FYN: variants seen among roughly 807,000 people sequenced by gnomAD.
The protein encoded by FYN is tyrosine-protein kinase Fyn.
A neutral mutation model predicts 70.2 loss-of-function variants in FYN; 10 were observed. The observed-to-expected ratio is 0.14, with a 90% CI of 0.09 to 0.24. The LOEUF (loss-of-function observed/expected upper bound fraction) is 0.24. Among genes scored for constraint, FYN ranks in the 10% least tolerant of loss-of-function variants. The pLI is 1.00. For missense variants in FYN, 319 were observed against 673.1 expected (o/e 0.47, Z 5.82); for synonymous variants, 236 against 248.6 (o/e 0.95, Z 0.48).
intron 3 of FYN, among the ~76,000 whole-genome samples, chr6:111,745,221 C>G (rs1309216434): frequency 2.6e-5 from 4 of 152,138 alleles, no homozygotes; most frequent in African/African-American, 9.7e-5. Flanking sequence ...AATACAGACG[C>G]GAATGCCATC....
intron 12 of FYN, among the ~76,000 whole-genome samples, chr6:111,681,380 C>T (rs544212278): frequency 1.2e-4 from 18 of 152,238 alleles, no homozygotes; most frequent in South Asian, 2.1e-4. Flanking sequence ...AGGCTAGTCT[C>T]GAATTCCTGG....
Position 111,661,971 on chromosome 6 carries a change from G to C in FYN, c.1406-24C>G, listed in dbSNP as rs1324085332. 1 of 1,574,880 alleles carries C rather than the reference G, an allele frequency of 6.3e-7. No individual in the cohort carries two copies. Among genetic ancestry groups the C allele is most frequent in the Non-Finnish European group, 8.6e-7 (1 of 1,158,078 alleles). Reference sequence around the variant, plus strand: ...GCCTGCAAAGACAAGCGCAGTGAGAGTGGGCACCCCGGGGATCCAGGCCCT... The same window carrying C: ...GCCTGCAAAGACAAGCGCAGTGAGACTGGGCACCCCGGGGATCCAGGCCCT... On this transcript the variant is annotated intron_variant, in intron 13 of 13. Coordinates refer to ENST00000354650, the MANE Select transcript of FYN (RefSeq NM_002037.5). This position sits in a 1 kb window ranked among gnomAD's most constrained non-coding sequence, Gnocchi z 4.0.
chr6:111,768,949 T>C (rs548079270), intron 3 of FYN, among the ~76,000 whole-genome samples: 1 of 152,178 alleles, frequency 6.6e-6, no homozygotes, highest in Non-Finnish European at 1.5e-5. Flanking sequence ...ATAAAAGGAT[T>C]GTGATTTGGG....
chr6:111,716,120 A>G (rs943871374), intron 4 of FYN, among the ~76,000 whole-genome samples: 1 of 152,264 alleles, frequency 6.6e-6, no homozygotes, highest in African/African-American at 2.4e-5. Context: ...TTGTCTGGTC[A>G]GCTGTGTATG....
Position 111,719,865 on chromosome 6 carries a change from C to A in FYN, c.187G>T (p.Val63Phe). The A allele has an allele frequency of 2.5e-6, 4 of 1,614,102 alleles. No individual in the cohort carries two copies. The highest frequency in any genetic ancestry group is 2.5e-6 in the Non-Finnish European group (3 of 1,179,994). The change falls in exon 4 of 14, where the codon GTC becomes TTC. Residue 63 changes from valine to phenylalanine, a missense_variant. Coordinates refer to ENST00000354650, the MANE Select transcript of FYN (RefSeq NM_002037.5). ...GACGAAGAGTTCACACCTCCAAAGA[C>A]GGTGAGTCCTTGGCCCCCGGCTGCG... ...FHAAGGQGLT[V>F]FGGVNSSSHT...
chr6:111,854,476 T>C (rs1035580526), intron 1 of FYN, among the ~76,000 whole-genome samples: 1 of 152,218 alleles, frequency 6.6e-6, no homozygotes, highest in Non-Finnish European at 1.5e-5. Context: ...ACCATTGCAC[T>C]GTGACCTGTG....
chr6:111,773,276 A>G (rs1240052492), intron 3 of FYN, among the ~76,000 whole-genome samples: 1 of 138,530 alleles, frequency 7.2e-6, no homozygotes, highest in African/African-American at 2.7e-5. Flanking sequence ...AAAAGTTGGG[A>G]AAGAAACTGG....
At chr6:111,712,440 C>T (rs1173632878) in intron 5 of FYN, among the ~76,000 whole-genome samples, 2 of 152,180 alleles carry the variant, frequency 1.3e-5, no homozygotes, top group African/African-American at 4.8e-5. Flanking sequence ...AGTCAACTCT[C>T]CAAAGCTTCC....
At chr6:111,770,242 T>C (rs536620425) in intron 3 of FYN, among the ~76,000 whole-genome samples, 10 of 152,354 alleles carry the variant, frequency 6.6e-5, no homozygotes, top group African/African-American at 2.2e-4. Context: ...GACTGTATGG[T>C]AAATGATAAT....
intron 3 of FYN, among the ~76,000 whole-genome samples, chr6:111,770,570 C>G (rs1384951226): frequency 6.6e-6 from 1 of 152,142 alleles, no homozygotes; most frequent in Non-Finnish European, 1.5e-5. Context: ...GAGACCCAAG[C>G]TAATCAGGTC....
intron 3 of FYN, among the ~76,000 whole-genome samples, chr6:111,757,363 G>T (rs1482237682): frequency 2.6e-5 from 4 of 152,148 alleles, no homozygotes; most frequent in Admixed American, 6.5e-5. Flanking sequence ...GAGAGGCAGG[G>T]AGTATAATTT....
chr6:111,673,166 T>C (rs1453392168), intron 13 of FYN, among the ~76,000 whole-genome samples: 4 of 152,068 alleles, frequency 2.6e-5, no homozygotes, highest in African/African-American at 9.7e-5. Context: ...GACCCGCACA[T>C]TTCCCCCCTT....
intron 12 of FYN, 130 bp from the exon 13 acceptor site, chr6:111,674,760 A>T: frequency 1.0e-6 from 1 of 974,460 alleles, no homozygotes; most frequent in Non-Finnish European, 1.5e-6. Context: ...AAAGGAGGTG[A>T]AGCAGGAATG....
Position 111,694,702 on chromosome 6 carries a change from T to C in FYN, c.1045A>G (p.Ser349Gly). The C allele has an allele frequency of 6.2e-7, 1 of 1,610,264 alleles. No homozygotes were observed. The change falls in exon 11 of 14, where the codon AGT becomes GGT. Residue 349 changes from serine (S) to glycine (G), a missense_variant and splice_region_variant. Around this residue, in one of 4 missense-constraint regions of FYN, gnomAD observed 15 missense variants for 16.0 expected, o/e 0.94. Coordinates refer to ENST00000354650, the MANE Select transcript of FYN (RefSeq NM_002037.5). This position sits in a 1 kb window ranked among gnomAD's most constrained non-coding sequence, Gnocchi z 5.0. ...YIVTEYMNKG[S>G]LLDFLKDGEG... ...CCATCTTTTAAGAAATCCAGTAAAC[T>C]TCCTATGAACAAAACATAAAATCAT...
chr6:111,773,597 A>G (rs1803574129), intron 3 of FYN, among the ~76,000 whole-genome samples: 1 of 64,756 alleles, frequency 1.5e-5, no homozygotes, highest in Non-Finnish European at 2.7e-5. Flanking sequence ...GGAAAGGGAA[A>G]GGGAGAGAGG....
intron 2 of FYN, among the ~76,000 whole-genome samples, chr6:111,784,301 C>T (rs187296743): frequency 6.6e-6 from 1 of 152,292 alleles, no homozygotes; most frequent in African/African-American, 2.4e-5. Context: ...TTTTCAATTA[C>T]CTGCAGCTGG....
At chr6:111,747,782 C>A (rs1802295859) in intron 3 of FYN, among the ~76,000 whole-genome samples, 2 of 152,164 alleles carry the variant, frequency 1.3e-5, no homozygotes, top group African/African-American at 4.8e-5. Flanking sequence ...TTTTTCGCAC[C>A]AGATATACCT....
intron 13 of FYN, among the ~76,000 whole-genome samples, chr6:111,662,666 C>G (rs1027017525): frequency 1.3e-5 from 2 of 152,190 alleles, no homozygotes; most frequent in Admixed American, 6.5e-5. Flanking sequence ...CATGCTGCCC[C>G]TTGTTTATAG....
At chr6:111,857,706 C>A (rs1583498195) in intron 1 of FYN, among the ~76,000 whole-genome samples, 4 of 152,080 alleles carry the variant, frequency 2.6e-5, no homozygotes, top group Admixed American at 2.0e-4. Context: ...GAAAAAAAAA[C>A]AATCTTACTC....
Sources: allele counts gnomAD v4.1 joint callset (sites outside exome capture counted in the v4.1 genomes callset), GRCh38; gene constraint gnomAD v4.1.1; regional missense constraint gnomAD v4.1.1; non-coding constraint Gnocchi (gnomAD v3.1); transcripts MANE v1.5; gene names NCBI Gene and HGNC (gene_info 2026-07-23, HGNC 2026-07-21).